D2HGDH: variants seen among roughly 807,000 people sequenced by gnomAD.
The protein encoded by D2HGDH is D-2-hydroxyglutarate dehydrogenase, also known as D-2-hydroxyglutarate dehydrogenase, mitochondrial.
A neutral mutation model predicts 46.9 loss-of-function variants in D2HGDH; 31 were observed. That is an observed-to-expected ratio of 0.66 (90% CI 0.50 to 0.89). D2HGDH has a LOEUF of 0.89. D2HGDH is among the 40% of genes least tolerant of loss of function. The probability of loss-of-function intolerance (pLI) is 0.00; values close to 1 mark genes in which losing one functional copy is unlikely to be tolerated. For synonymous variants in D2HGDH, 364 were observed against 332.6 expected, an observed-to-expected ratio of 1.09 and a Z score of -1.03; for missense variants, 698 against 720.8, an observed-to-expected ratio of 0.97 and a Z score of 0.36.
At chr2:241,767,564 C>T (rs1054514020) in intron 9 of D2HGDH, 146 bp from the exon 10 acceptor site, 16 of 1,156,632 alleles carry the variant, frequency 1.4e-5, no homozygotes, top group South Asian at 4.4e-5. Context: ...GGGGTCGGCA[C>T]GTCCAGGGCG....
chr2:241,749,656 A>C (rs962501475), intron 6 of D2HGDH: 1 of 323,810 alleles, frequency 3.1e-6, no homozygotes, highest in Non-Finnish European at 6.0e-6. Flanking sequence ...CTGTGTTTGC[A>C]GAATTCCCAA....
chr2:241,764,491 T>C (rs1699102337), intron 9 of D2HGDH, among the ~76,000 whole-genome samples: 1 of 152,198 alleles, frequency 6.6e-6, no homozygotes. Flanking sequence ...TGACAGGACA[T>C]GGACTATGAG....
chr2:241,753,420 A>T (rs1247170243), intron 8 of D2HGDH, among the ~76,000 whole-genome samples: 1 of 141,920 alleles, frequency 7.0e-6, no homozygotes, highest in South Asian at 2.2e-4. Flanking sequence ...GTTGTCCAGC[A>T]TTGGCGAGGC....
At chr2:241,741,381 A>C (rs1178729576) in intron 3 of D2HGDH, among the ~76,000 whole-genome samples, 1 of 152,218 alleles carries the variant, frequency 6.6e-6, no homozygotes, top group African/African-American at 2.4e-5. Context: ...CCGGGTGTCC[A>C]TGACTGTGGA....
chr2:241,754,152 G>T (rs1697779929), intron 8 of D2HGDH, among the ~76,000 whole-genome samples: 1 of 152,226 alleles, frequency 6.6e-6, no homozygotes, highest in Admixed American at 6.5e-5. Context: ...CCATCTTGTG[G>T]CCACGGGGAC....
rs1696893320 is a variant in D2HGDH, at chr2:241,750,201, A to G, written c.904A>G (p.Met302Val). ...GCAGACCTTCAGCACCTGCAAGGGG[A>G]TGCTGGGTGAGATCCTGTCTGCATT... ...VLQTFSTCKGMLGEILSAFEF... is the reference protein window; with the variant it reads ...VLQTFSTCKGVLGEILSAFEF... Residue 302 changes from methionine (M) to valine (V), a missense_variant, in exon 7 of 10, where the codon ATG becomes GTG. Physicochemically the swap from Met to Val is conservative, Grantham distance 21. Coordinates refer to ENST00000321264, the MANE Select transcript of D2HGDH (RefSeq NM_152783.5). 3 of 1,613,750 alleles carry G rather than the reference A, an allele frequency of 1.9e-6. No homozygotes were observed. Among genetic ancestry groups the G allele is most frequent in the Non-Finnish European group, 2.5e-6 (3 of 1,179,990 alleles).
At chr2:241,745,682 TGTCC>T (rs1695674927) in intron 6 of D2HGDH, among the ~76,000 whole-genome samples, 1 of 152,236 alleles carries the variant, frequency 6.6e-6, no homozygotes, top group Non-Finnish European at 1.5e-5. Context: ...CACTCTCTTG[TGTCC>T]GATCTTCTGT....
In D2HGDH at chr2:241,768,374, C is replaced by CA. The variant is rs1559405904; in HGVS notation, c.*405_*406insA. ...TCGTTCCCCGGGCATGCGTGGGCAG[C>CA]GGGGGGCATGCGTGGGCAGCAGGGG... is the stretch of plus-strand genomic sequence containing the variant. On this transcript the variant is annotated 3_prime_UTR_variant, in exon 10 of 10. Transcript: ENST00000321264. 1 of 193,620 alleles carries CA rather than the reference C, an allele frequency of 5.2e-6. No homozygotes were observed. Among genetic ancestry groups the CA allele is most frequent in the African/African-American group, 2.4e-5 (1 of 41,964 alleles). 12.0% of individuals were successfully genotyped at this position (193,620 alleles called of 1,614,324 possible). A position where few individuals can be genotyped will look rare whatever the true frequency, so the allele number is the denominator to read the frequency against.
rs764510615 is a variant in D2HGDH, at chr2:241,742,625, G to T, written c.490+51G>T. 5.0e-6 allele frequency: 8 copies of T among 1,609,948 alleles called. No individual in the cohort carries two copies. The Admixed American group carries it at 1.3e-4, about 27-fold the overall frequency. On this transcript the variant is annotated intron_variant, in intron 4 of 9. Transcript: ENST00000321264. This position sits in a 1 kb window ranked among gnomAD's most constrained non-coding sequence, Gnocchi z 4.8. Reference sequence around the variant, plus strand: ...CCAGGAGTCCCTCCTGGTGCTGGTGGAGTTCTTCCTTGCCAGCGTCTGCAA... The same window carrying T: ...CCAGGAGTCCCTCCTGGTGCTGGTGTAGTTCTTCCTTGCCAGCGTCTGCAA...
At position 241,742,380 on chromosome 2, in the gene D2HGDH, ATGGTGG is replaced by A. The variant is rs1694713758; in HGVS notation, c.351-54_351-49del. 44 of 1,548,786 alleles carry A rather than the reference ATGGTGG, an allele frequency of 2.8e-5. No homozygotes were observed. Among genetic ancestry groups the A allele is most frequent in the Non-Finnish European group, 3.7e-5 (42 of 1,143,080 alleles). Reference sequence around the variant, plus strand: ...CTGGTCCTGCGGCGTGTCCTTGGGGATGGTGGCGTAGGGGTGGGGACAGAGCCCCAA... The same window carrying A: ...CTGGTCCTGCGGCGTGTCCTTGGGGACGTAGGGGTGGGGACAGAGCCCCAA... On this transcript the variant is annotated intron_variant, in intron 3 of 9. Transcript: ENST00000321264. The surrounding 1 kb of genome is among the most constrained non-coding windows in gnomAD (Gnocchi z 4.8).
chr2:241,764,738 C>A (rs534514479), intron 9 of D2HGDH, among the ~76,000 whole-genome samples: 15 of 152,228 alleles, frequency 9.9e-5, no homozygotes, highest in African/African-American at 2.9e-4. Context: ...GTGGTGCGTC[C>A]TGGTTTGCCT....
chr2:241,743,950 A>G lies in D2HGDH; in HGVS notation c.684+135A>G. 1.0e-6 allele frequency: 1 copy of G among 987,054 alleles called. No individual in the cohort carries two copies. The highest frequency in any genetic ancestry group is 1.6e-5 in the South Asian group (1 of 63,060). 61.1% of individuals were successfully genotyped at this position (987,054 alleles called of 1,614,324 possible). A position where few individuals can be genotyped will look rare whatever the true frequency, so the allele number is the denominator to read the frequency against. On this transcript the variant is annotated intron_variant, in intron 5 of 9. Coordinates refer to ENST00000321264, the MANE Select transcript of D2HGDH (RefSeq NM_152783.5). The surrounding 1 kb of genome is among the most constrained non-coding windows in gnomAD (Gnocchi z 4.8). ...CTTGGTTCCTGGCCCTGGGCCCCTC[A>G]AGGATGTGTGGGCTACATACACCCC...
Position 241,763,481 on chromosome 2 carries a change from T to C in D2HGDH, c.1307-4229T>C, listed in dbSNP as rs1215385173. Among the ~76,000 whole-genome samples, 3 of 152,154 alleles carry C rather than the reference T, an allele frequency of 2.0e-5. 1 individual carries two copies. In the East Asian group the frequency reaches 5.8e-4, roughly 29 times the overall value. On this transcript the variant is annotated intron_variant, in intron 9 of 9. Coordinates refer to ENST00000321264, the MANE Select transcript of D2HGDH (RefSeq NM_152783.5). ...GAGTGGGTCTCGCGGGACTGGAGGT[T>C]GCTCTGGCGAGGCAGTGGGTGAGCG...
intron 6 of D2HGDH, chr2:241,749,675 C>T (rs1697055896): frequency 3.1e-6 from 1 of 325,494 alleles, no homozygotes; most frequent in Non-Finnish European, 6.0e-6. Context: ...AAGATACGCC[C>T]CCTCTGAGTC....
In D2HGDH at chr2:241,735,202, C is replaced by T. The variant is rs1297950522; in HGVS notation, c.-23C>T. ...TACCGGCCCCCCACCAAGGAGGAGC[C>T]CGAGGTCTCCGTCCCGGCGGCGATG... On this transcript the variant is annotated 5_prime_UTR_variant, in exon 2 of 10. Transcript: ENST00000321264. 4 of 1,504,220 alleles carry T rather than the reference C, an allele frequency of 2.7e-6. No individual in the cohort carries two copies. The highest frequency in any genetic ancestry group is 2.5e-5 in the South Asian group (2 of 80,622). The allele number at this position is 1,504,220 out of a possible 1,614,324, so 93.2% of individuals were successfully genotyped here.
Position 241,753,755 on chromosome 2 carries a change from C to T in D2HGDH, c.1141-2094C>T, listed in dbSNP as rs148435885. Reference sequence around the variant, plus strand: ...ATTGGCACTGCCTATCCACCCGTCACGTGTCATTCAGTTAGCAAACCTGCT... The same window carrying T: ...ATTGGCACTGCCTATCCACCCGTCATGTGTCATTCAGTTAGCAAACCTGCT... On this transcript the variant is annotated intron_variant, in intron 8 of 9. Coordinates refer to ENST00000321264, the MANE Select transcript of D2HGDH (RefSeq NM_152783.5). Among the ~76,000 whole-genome samples, 8 of 152,342 alleles carry T rather than the reference C, an allele frequency of 5.3e-5. No homozygotes were observed. The East Asian group carries it at 9.6e-4, about 18-fold the overall frequency.
At chr2:241,746,770 C>T (rs1695969335) in intron 6 of D2HGDH, among the ~76,000 whole-genome samples, 1 of 151,974 alleles carries the variant, frequency 6.6e-6, no homozygotes. Flanking sequence ...CGCCTGTAAT[C>T]CCAGCTACTT....
At chr2:241,737,323 C>T (rs143385877) in intron 2 of D2HGDH, among the ~76,000 whole-genome samples, 17 of 152,288 alleles carry the variant, frequency 1.1e-4, no homozygotes, top group East Asian at 9.6e-4. Flanking sequence ...GGGAAGCAGA[C>T]GTATCTTTTT....
chr2:241,736,582 C>T (rs948335536), intron 2 of D2HGDH, among the ~76,000 whole-genome samples: 8 of 152,060 alleles, frequency 5.3e-5, no homozygotes, highest in Non-Finnish European at 8.8e-5. Flanking sequence ...TATAAAGACA[C>T]TTCTCATTGG....
Sources: allele counts gnomAD v4.1 joint callset (sites outside exome capture counted in the v4.1 genomes callset), GRCh38; gene constraint gnomAD v4.1.1; non-coding constraint Gnocchi (gnomAD v3.1); transcripts MANE v1.5; gene names NCBI Gene and HGNC (gene_info 2026-07-23, HGNC 2026-07-21).